The following NPAS4 variants were observed in gnomAD, a reference collection of about 807,000 sequenced individuals.
NPAS4 encodes the protein neuronal PAS domain-containing protein 4.
A neutral mutation model predicts 64.0 loss-of-function variants in NPAS4; 10 were observed. That is an observed-to-expected ratio of 0.16 (90% CI 0.10 to 0.26). The LOEUF (loss-of-function observed/expected upper bound fraction) is 0.26, where lower values mean the gene tolerates loss of function less well. Ranked by LOEUF, NPAS4 falls within the 10% of genes least tolerant of loss-of-function variation. The probability of loss-of-function intolerance (pLI) is 1.00; values close to 1 mark genes in which losing one functional copy is unlikely to be tolerated. For missense variants in NPAS4, 886 were observed against 992.6 expected (o/e 0.89, Z 1.44); for synonymous variants, 441 against 411.7 (o/e 1.07, Z -0.86).
Position 66,423,833 on chromosome 11 carries a change from A to G in NPAS4, c.945-2A>G. ...ACCAGCTGCCTCTTCTCTCCTCTCC[A>G]GTGACATGGAAGCCTGGAGCCTCCG... On this transcript the variant is annotated splice_acceptor_variant, in intron 6 of 7. Transcript: ENST00000311034. LOFTEE classifies it high-confidence loss of function. The G allele has an allele frequency of 6.2e-7, 1 of 1,607,188 alleles. No homozygotes were observed.
chr11:66,424,229 C>T lies in NPAS4; in HGVS notation c.1339C>T (p.His447Tyr), dbSNP rs1856802530. The part of the protein sequence containing the change: ...LFSLHEPFQT[H>Y]LPTPSSTLQE... Reference sequence around the variant, plus strand: ...CAGCCTCCATGAGCCCTTCCAGACCCATTTGCCCACCCCATCCAGCACTCT... The same window carrying T: ...CAGCCTCCATGAGCCCTTCCAGACCTATTTGCCCACCCCATCCAGCACTCT... Residue 447 changes from histidine (H) to tyrosine (Y), a missense_variant, in exon 7 of 8, where the codon CAT becomes TAT. Physicochemically the swap from His to Tyr is moderately conservative, Grantham distance 83. Around this residue, in one of 3 missense-constraint regions of NPAS4, gnomAD observed 820 missense variants for 855.5 expected, o/e 0.96. Coordinates refer to ENST00000311034, the MANE Select transcript of NPAS4 (RefSeq NM_178864.4). 2 of 1,614,074 alleles carry T rather than the reference C, an allele frequency of 1.2e-6. No individual in the cohort carries two copies. Among genetic ancestry groups the T allele is most frequent in the South Asian group, 2.2e-5 (2 of 91,074 alleles).
At position 66,423,966 on chromosome 11, in the gene NPAS4, C is replaced by G; in HGVS notation, c.1076C>G (p.Thr359Ser). The change falls in exon 7 of 8, where the codon ACT (threonine) becomes AGT (serine). Residue 359 changes from threonine to serine, a missense_variant. By Grantham distance (58) the Thr-to-Ser change is moderately conservative. This residue lies in a region of NPAS4 where 820 missense variants were observed against 855.5 expected (regional missense o/e 0.96). Coordinates refer to ENST00000311034, the MANE Select transcript of NPAS4 (RefSeq NM_178864.4). ...NILSQEECSS[T>S]NPLFTAALGA... is the part of the protein sequence containing the mutation. ...CTTTCCCAGGAAGAGTGCTCCAGCA[C>G]TAACCCACTCTTCACCGCAGCACTG... 1 of 1,614,160 alleles carries G rather than the reference C, an allele frequency of 6.2e-7. No homozygotes were observed. The highest frequency in any genetic ancestry group is 8.5e-7 in the Non-Finnish European group (1 of 1,180,008).
At chr11:66,425,487 G>C (rs1329612165) in intron 7 of NPAS4, among the ~76,000 whole-genome samples, 5 of 152,112 alleles carry the variant, frequency 3.3e-5, no homozygotes, top group Non-Finnish European at 7.3e-5. Context: ...CTGTGGGATA[G>C]AGTGCTAGGG....
chr11:66,422,755 G>A lies in NPAS4; in HGVS notation c.512G>A (p.Gly171Asp), dbSNP rs1856766501. Residue 171 changes from glycine to aspartate, a missense_variant, in exon 4 of 8, where the codon GGC (glycine) becomes GAC (aspartate). Coordinates refer to ENST00000311034, the MANE Select transcript of NPAS4 (RefSeq NM_178864.4). ...GGCAACAAACTCGTGCTTATTCGAG[G>A]CCGATTCCATGCTCACCCACCTGGA... The part of the protein sequence containing the change: ...SAGNKLVLIR[G>D]RFHAHPPGAY... 1 of 1,614,020 alleles carries A rather than the reference G, an allele frequency of 6.2e-7. No homozygotes were observed. Among genetic ancestry groups the A allele is most frequent in the Admixed American group, 1.7e-5 (1 of 60,002 alleles).
At chr11:66,415,761 G>A in the NPAS4 span, among the ~76,000 whole-genome samples, 41 of 152,320 alleles carry the variant, frequency 2.7e-4, 1 homozygote, top group African/African-American at 9.1e-4. Flanking sequence ...CAGACTTGCT[G>A]TGTGACTTTG....
chr11:66,424,625 A>C lies in NPAS4; in HGVS notation c.1735A>C (p.Ser579Arg), dbSNP rs568006126. Residue 579 changes from serine (S) to arginine (R), a missense_variant, in exon 7 of 8, where the codon AGC (serine) becomes CGC (arginine). Ser to Arg is a moderately radical substitution (Grantham distance 110). Coordinates refer to ENST00000311034, the MANE Select transcript of NPAS4 (RefSeq NM_178864.4). ...FLYEKLPPSP[S>R]SPGNGDCTLL... ...CTATGAGAAGTTGCCCCCAAGTCCTAGCAGCCCTGGTAATGGGGACTGCAC... is the reference window on the plus strand; with the variant it reads ...CTATGAGAAGTTGCCCCCAAGTCCTCGCAGCCCTGGTAATGGGGACTGCAC... The C allele has an allele frequency of 1.9e-6, 3 of 1,614,176 alleles. No individual in the cohort carries two copies. The Admixed American group carries it at 5.0e-5, about 27-fold the overall frequency.
At chr11:66,423,515 A>G (rs1590695070) in intron 5 of NPAS4, 63 bp from the exon 6 acceptor site, 2 of 1,596,224 alleles carry the variant, frequency 1.3e-6, no homozygotes, top group Non-Finnish European at 1.7e-6. Context: ...GAGGTGACCA[A>G]GGGTGGGGAG....
chr11:66,418,625 A>C (rs1856695945), upstream of NPAS4, among the ~76,000 whole-genome samples: 1 of 151,902 alleles, frequency 6.6e-6, no homozygotes, highest in African/African-American at 2.4e-5. Flanking sequence ...CTTCCCTTCC[A>C]AAGTGTTTCT....
Position 66,424,283 on chromosome 11 carries a change from A to G in NPAS4, c.1393A>G (p.Thr465Ala), listed in dbSNP as rs1367761221. Residue 465 changes from threonine to alanine, a missense_variant, in exon 7 of 8, where the codon ACC becomes GCC. Coordinates refer to ENST00000311034, the MANE Select transcript of NPAS4 (RefSeq NM_178864.4). ...AGAACAGCTGACTCCAAGCACTGCG[A>G]CCTTCTCTGATCAGTTGACGCCCAG... ...LQEQLTPSTATFSDQLTPSSA... is the reference protein window; with the variant it reads ...LQEQLTPSTAAFSDQLTPSSA... The G allele has an allele frequency of 3.7e-6, 6 of 1,614,088 alleles. No individual in the cohort carries two copies. Among genetic ancestry groups the G allele is most frequent in the Non-Finnish European group, 5.1e-6 (6 of 1,180,020 alleles).
intron 1 of NPAS4, 113 bp downstream of exon 1, chr11:66,421,467 G>A (rs1856740648): frequency 2.2e-6 from 2 of 906,422 alleles, no homozygotes; most frequent in Non-Finnish European, 3.5e-6. Flanking sequence ...GCGAGCTGGG[G>A]AGATTCGGGA....
chr11:66,420,167 C>A (rs1856719586), upstream of NPAS4, among the ~76,000 whole-genome samples: 1 of 152,254 alleles, frequency 6.6e-6, no homozygotes, highest in Non-Finnish European at 1.5e-5. Flanking sequence ...TGCCTAAGTG[C>A]AGACCCAGGT....
At chr11:66,421,392 G>A (rs1291703483) in intron 1 of NPAS4, 38 bp downstream of exon 1, 1 of 1,600,984 alleles carries the variant, frequency 6.2e-7, no homozygotes, top group South Asian at 1.1e-5. Context: ...CGAGCTGCCA[G>A]GCGCCGGAGA....
chr11:66,422,435 C>T lies in NPAS4; in HGVS notation c.328-16C>T, dbSNP rs1479856829. 6.3e-7 allele frequency: 1 copy of T among 1,594,240 alleles called. No individual in the cohort carries two copies. Among genetic ancestry groups the T allele is most frequent in the Non-Finnish European group, 8.6e-7 (1 of 1,162,062 alleles). ...CTGTTCTCCCTAATGGTCATCTCTTCTTTTCCTCCCTCCAGGTGGACCTGG... is the reference window on the plus strand; with the variant it reads ...CTGTTCTCCCTAATGGTCATCTCTTTTTTTCCTCCCTCCAGGTGGACCTGG... On this transcript the variant is annotated splice_polypyrimidine_tract_variant and intron_variant, in intron 2 of 7. Coordinates refer to ENST00000311034, the MANE Select transcript of NPAS4 (RefSeq NM_178864.4).
rs1590696079 is a variant in NPAS4, at chr11:66,424,381, T to C, written c.1491T>C (p.Tyr497=). ...GQLTETSVRS[Y]EDQLTPCTST... is the part of the protein sequence containing the mutation. ...TGACTGAAACCTCGGTCAGAAGCTATGAAGACCAGTTGACTCCCTGCACCT... is the reference window on the plus strand; with the variant it reads ...TGACTGAAACCTCGGTCAGAAGCTACGAAGACCAGTTGACTCCCTGCACCT... Residue 497 remains tyrosine, a synonymous_variant, in exon 7 of 8, where the codon TAT becomes TAC. Transcript: ENST00000311034. 1.2e-6 allele frequency: 2 copies of C among 1,614,130 alleles called. No homozygotes were observed. Among genetic ancestry groups the C allele is most frequent in the Middle Eastern group, 1.6e-4 (1 of 6,062 alleles).
In NPAS4 at chr11:66,423,991, G is replaced by A. The variant is rs139781431; in HGVS notation, c.1101G>A (p.Leu367=). The A allele has an allele frequency of 2.9e-4, 469 of 1,613,986 alleles. No homozygotes were observed. The highest frequency in any genetic ancestry group is 4.9e-4 in the Middle Eastern group (3 of 6,062). The change falls in exon 7 of 8, where the codon CTG becomes CTA. Residue 367 remains leucine, a synonymous_variant. Transcript: ENST00000311034. ...CTAACCCACTCTTCACCGCAGCACT[G>A]GGGGCTCCCAGAAGCACCAGCTTCC... ...SSTNPLFTAA[L]GAPRSTSFPS...
At chr11:66,415,865 G>A in the NPAS4 span, among the ~76,000 whole-genome samples, 6 of 152,248 alleles carry the variant, frequency 3.9e-5, no homozygotes, top group Non-Finnish European at 7.3e-5. Context: ...GCTCACACGT[G>A]TAATTCCAGC....
chr11:66,420,020 C>A (rs904096385), upstream of NPAS4, among the ~76,000 whole-genome samples: 2 of 152,168 alleles, frequency 1.3e-5, no homozygotes, highest in African/African-American at 4.8e-5. Flanking sequence ...GCCGCGGCAG[C>A]CGCCGGAGGA....
rs1278402041 is a variant in NPAS4, at chr11:66,426,652, T to A, written c.*663T>A. On this transcript the variant is annotated 3_prime_UTR_variant, in exon 8 of 8. Transcript: ENST00000311034. ...GCCTGCCCAGATGGCCACCTCGTGG[T>A]GCTGCGGTGACTTTGTAGCCAACTT... The A allele has an allele frequency of 6.5e-6, 1 of 152,860 alleles. No individual in the cohort carries two copies. Among genetic ancestry groups the A allele is most frequent in the Admixed American group, 6.5e-5 (1 of 15,286 alleles). 9.5% of individuals were successfully genotyped at this position (152,860 alleles called of 1,614,324 possible).
Position 66,424,180 on chromosome 11 carries a change from G to T in NPAS4, c.1290G>T (p.Gln430His). 6.2e-7 allele frequency: 1 copy of T among 1,613,958 alleles called. No individual in the cohort carries two copies. The highest frequency in any genetic ancestry group is 1.1e-5 in the South Asian group (1 of 91,078). The change falls in exon 7 of 8, where the codon CAG (glutamine) becomes CAT (histidine). Residue 430 changes from glutamine to histidine, a missense_variant. Physicochemically the swap from Gln to His is conservative, Grantham distance 24. Coordinates refer to ENST00000311034, the MANE Select transcript of NPAS4 (RefSeq NM_178864.4). ...LVCTPPYTPH[Q>H]PGGCAFLFSL... ...GCACTCCACCTTACACGCCCCATCA[G>T]CCAGGAGGCTGTGCCTTCCTCTTCA...
Sources: gnomAD v4.1 joint callset for allele counts (sites outside exome capture counted in the v4.1 genomes callset) on GRCh38, gnomAD v4.1.1 for gene constraint, gnomAD v4.1.1 regional missense constraint, MANE v1.5 for transcripts, NCBI Gene and HGNC (gene_info 2026-07-23, HGNC 2026-07-21) for gene names.